The following CHD1L variants were observed in gnomAD, a reference collection of about 807,000 sequenced individuals.
CHD1L encodes the protein chromodomain helicase DNA binding protein 1 like, also known as ATP-dependent chromatin remodeler CHD1L.
A neutral mutation model predicts 115.9 loss-of-function variants in CHD1L; 118 were observed. The ratio of observed to expected loss-of-function variants is 1.02; its 90% CI spans 0.88 to 1.19. The LOEUF (loss-of-function observed/expected upper bound fraction) is 1.19, where lower values mean the gene tolerates loss of function less well. CHD1L is among the 50% of genes most tolerant of loss of function. CHD1L has a pLI of 0.00. For synonymous variants in CHD1L, 411 were observed against 387.1 expected, an observed-to-expected ratio of 1.06 and a Z score of -0.72; for missense variants, 1,179 against 1,065.3, an observed-to-expected ratio of 1.11 and a Z score of -1.49.
intron 14 of CHD1L, among the ~76,000 whole-genome samples, chr1:147,279,026 TATC>T (rs1426414739): frequency 3.9e-5 from 6 of 152,192 alleles, no homozygotes; most frequent in African/African-American, 1.2e-4. Flanking sequence ...GACCAATTCT[TATC>T]ATAAATAGTT....
rs1452486110 is a variant in CHD1L at position 147,288,322 on chromosome 1, C to CATAAAAAA, written c.2320+590_2320+591insTAAAAAAA. On this transcript the variant is annotated intron_variant, in intron 19 of 22. Transcript: ENST00000369258. ...CCTGAGTGAGAGTGAGACCCTGTTTCAATAAAAAAAAAAAAAAAAAAAAAG... is the reference window on the plus strand; with the variant it reads ...CCTGAGTGAGAGTGAGACCCTGTTTCATAAAAAAAATAAAAAAAAAAAAAAAAAAAAAG... Among the ~76,000 whole-genome samples, 485 of 87,608 alleles carry CATAAAAAA rather than the reference C, an allele frequency of 5.5e-3. 39 individuals carry two copies. Among genetic ancestry groups the CATAAAAAA allele is most frequent in the Middle Eastern group, 0.014 (2 of 140 alleles). 57.5% of individuals were successfully genotyped at this position (87,608 alleles called of 152,430 possible).
At chr1:147,285,639 A>T in intron 17 of CHD1L, 152 bp downstream of exon 17, 1 of 900,116 alleles carries the variant, frequency 1.1e-6, no homozygotes, top group Non-Finnish European at 1.7e-6. Flanking sequence ...CATTTCCTCT[A>T]GGTAAGTGAA....
At chr1:147,268,165 C>T (rs1040547456) in intron 9 of CHD1L, among the ~76,000 whole-genome samples, 2 of 152,110 alleles carry the variant, frequency 1.3e-5, no homozygotes, top group African/African-American at 2.4e-5. Context: ...TCATACAGAC[C>T]TCAGTAAATT....
intron 6 of CHD1L, among the ~76,000 whole-genome samples, chr1:147,262,504 C>T (rs905704498): frequency 3.9e-5 from 6 of 152,104 alleles, no homozygotes; most frequent in Non-Finnish European, 5.9e-5. Context: ...TTACCTGTAG[C>T]GACTAGCAGC....
the CHD1L span, among the ~76,000 whole-genome samples, chr1:147,236,389 G>A: frequency 1.3e-5 from 2 of 152,182 alleles, no homozygotes; most frequent in South Asian, 4.1e-4. Context: ...AACTCTTTTA[G>A]CTCCACCATT....
rs1678308384 is a variant in CHD1L, at chr1:147,276,037, C to T, written c.1386-67C>T. On this transcript the variant is annotated intron_variant, in intron 13 of 22. Transcript: ENST00000369258. Reference sequence around the variant, plus strand: ...TTTTGTTTGCTTTTAGATGTATTTACCTTGCATACTTTTGCCCAGCTTTGC... The same window carrying T: ...TTTTGTTTGCTTTTAGATGTATTTATCTTGCATACTTTTGCCCAGCTTTGC... 14 of 1,489,130 alleles carry T rather than the reference C, an allele frequency of 9.4e-6. No individual in the cohort carries two copies. In the Admixed American group the frequency reaches 1.8e-4, roughly 20 times the overall value. 92.2% of individuals were successfully genotyped at this position (1,489,130 alleles called of 1,614,324 possible). A position where few individuals can be genotyped will look rare whatever the true frequency, so the allele number is the denominator to read the frequency against.
the CHD1L span, chr1:147,214,647 T>G: frequency 6.6e-6 from 1 of 152,098 alleles, no homozygotes; most frequent in African/African-American, 2.4e-5. Context: ...TTATCTTCTT[T>G]AAGAAAACTT....
chr1:147,216,315 G>C, the CHD1L span, among the ~76,000 whole-genome samples: 2 of 152,140 alleles, frequency 1.3e-5, no homozygotes, highest in Non-Finnish European at 2.9e-5. Flanking sequence ...GAGAATGTCT[G>C]GGACAGAAAA....
chr1:147,282,867 A>G (rs1243359672), intron 15 of CHD1L, among the ~76,000 whole-genome samples: 1 of 152,192 alleles, frequency 6.6e-6, no homozygotes, highest in East Asian at 1.9e-4. Flanking sequence ...AAAAATCCCC[A>G]GTTGTATTAC....
chr1:147,232,158 C>G, the CHD1L span, among the ~76,000 whole-genome samples: 1 of 152,144 alleles, frequency 6.6e-6, no homozygotes, highest in East Asian at 1.9e-4. Flanking sequence ...GGAAAGGTGG[C>G]TGACAAGCAT....
At chr1:147,259,519 A>G (rs1553942519) in intron 5 of CHD1L, 1 of 199,816 alleles carries the variant, frequency 5.0e-6, no homozygotes, top group Admixed American at 5.4e-5. Flanking sequence ...TAAATAACAC[A>G]TAAAGCCCTG....
the CHD1L span, among the ~76,000 whole-genome samples, chr1:147,232,673 A>AT: frequency 6.6e-6 from 1 of 151,806 alleles, no homozygotes; most frequent in African/African-American, 2.4e-5. Flanking sequence ...TGGTTTTCGT[A>AT]TTTTTTTGGT....
At chr1:147,236,563 A>G in the CHD1L span, among the ~76,000 whole-genome samples, 1 of 152,106 alleles carries the variant, frequency 6.6e-6, no homozygotes, top group African/African-American at 2.4e-5. Flanking sequence ...TTGAGTGTTC[A>G]GTTCTCAGCA....
the CHD1L span, among the ~76,000 whole-genome samples, chr1:147,187,422 G>C: frequency 0.02 from 2,995 of 152,256 alleles, 80 homozygotes; most frequent in African/African-American, 0.068. Context: ...TACAAAAGGA[G>C]ATAAGACAGA....
At chr1:147,207,088 A>G in the CHD1L span, among the ~76,000 whole-genome samples, 1 of 152,050 alleles carries the variant, frequency 6.6e-6, no homozygotes, top group Non-Finnish European at 1.5e-5. Context: ...CAATGTATTA[A>G]TGTATTTTAT....
intron 19 of CHD1L, among the ~76,000 whole-genome samples, chr1:147,288,532 T>C (rs1342876846): frequency 6.6e-6 from 1 of 151,378 alleles, no homozygotes; most frequent in African/African-American, 2.4e-5. Flanking sequence ...AAATACAAAA[T>C]TAGCCAGGCA....
chr1:147,218,106 A>G, the CHD1L span, among the ~76,000 whole-genome samples: 1 of 152,222 alleles, frequency 6.6e-6, no homozygotes, highest in African/African-American at 2.4e-5. Context: ...TTGTCCCAAG[A>G]AAAATTTCAA....
At chr1:147,217,590 C>T in the CHD1L span, among the ~76,000 whole-genome samples, 1 of 152,168 alleles carries the variant, frequency 6.6e-6, no homozygotes, top group African/African-American at 2.4e-5. Flanking sequence ...ATTATTCAAT[C>T]TAGGAATCCT....
chr1:147,233,134 G>A, the CHD1L span, among the ~76,000 whole-genome samples: 70,705 of 149,760 alleles, frequency 0.47, 17,941 homozygotes, highest in East Asian at 0.71. Flanking sequence ...TGTGAGGAGC[G>A]CCTCTGCCCG....
Sources: gnomAD v4.1 joint callset for allele counts (sites outside exome capture counted in the v4.1 genomes callset) on GRCh38, gnomAD v4.1.1 for gene constraint, MANE v1.5 for transcripts, NCBI Gene and HGNC (gene_info 2026-07-23, HGNC 2026-07-21) for gene names.